The following KPNA6 variants were observed in gnomAD, a reference collection of about 807,000 sequenced individuals.
KPNA6 encodes importin subunit alpha-7.
In KPNA6, 9 loss-of-function variants were observed where a neutral mutation model predicts 72.0. The observed-to-expected ratio is 0.13, with a 90% confidence interval of 0.08 to 0.22. The LOEUF is 0.22. Ranked by LOEUF, KPNA6 falls within the 10% of genes least tolerant of loss-of-function variation. KPNA6 has a pLI of 1.00. For missense variants in KPNA6, 374 were observed against 655.7 expected, an observed-to-expected ratio of 0.57 and a Z score of 4.69; for synonymous variants, 219 against 242.1, an observed-to-expected ratio of 0.90 and a Z score of 0.89.
chr1:32,165,121 A>G (rs140370040), intron 10 of KPNA6, among the ~76,000 whole-genome samples: 5 of 151,588 alleles, frequency 3.3e-5, no homozygotes, highest in Non-Finnish European at 1.5e-5. Context: ...TGCCCAGGCT[A>G]CTCTTGAACT....
intron 1 of KPNA6, among the ~76,000 whole-genome samples, chr1:32,142,726 T>C (rs1227503392): frequency 6.6e-6 from 1 of 152,154 alleles, no homozygotes; most frequent in African/African-American, 2.4e-5. Flanking sequence ...TTATTTGTAT[T>C]GTGAATTTTA....
At chr1:32,143,892 G>A (rs1185174243) in intron 1 of KPNA6, among the ~76,000 whole-genome samples, 1 of 152,142 alleles carries the variant, frequency 6.6e-6, no homozygotes, top group African/African-American at 2.4e-5. Flanking sequence ...GTTCAATCAT[G>A]TTGTAGCATG....
At chr1:32,166,294 A>G in intron 11 of KPNA6, 64 bp downstream of exon 11, 1 of 1,538,838 alleles carries the variant, frequency 6.5e-7, no homozygotes, top group Non-Finnish European at 8.8e-7. Flanking sequence ...TTGTTGGAAT[A>G]TTTGCTTTCA....
At chr1:32,129,619 C>T (rs1641601928) in intron 1 of KPNA6, among the ~76,000 whole-genome samples, 2 of 152,038 alleles carry the variant, frequency 1.3e-5, no homozygotes, top group Non-Finnish European at 2.9e-5. Flanking sequence ...GCAGTAGCGC[C>T]ATCATAGCTC....
intron 7 of KPNA6, among the ~76,000 whole-genome samples, chr1:32,161,389 C>T (rs147267342): frequency 6.6e-6 from 1 of 152,302 alleles, no homozygotes; most frequent in Non-Finnish European, 1.5e-5. Context: ...TCAAAGACCC[C>T]GTGAAGCGTC....
At chr1:32,146,842 G>A (rs1641937216) in intron 1 of KPNA6, among the ~76,000 whole-genome samples, 2 of 151,668 alleles carry the variant, frequency 1.3e-5, no homozygotes, top group South Asian at 2.1e-4. Flanking sequence ...TCAACCTGAA[G>A]GGCTCCCATT....
At chr1:32,167,499 G>T (rs1008454191) in intron 12 of KPNA6, among the ~76,000 whole-genome samples, 3 of 151,992 alleles carry the variant, frequency 2.0e-5, no homozygotes, top group African/African-American at 7.2e-5. Flanking sequence ...ATCTATTCCA[G>T]ATTCCAGTGA....
In KPNA6 at chr1:32,169,862, G is replaced by T; in HGVS notation, c.1245-20G>T. The T allele has an allele frequency of 6.2e-7, 1 of 1,611,232 alleles. No individual in the cohort carries two copies. The highest frequency in any genetic ancestry group is 8.5e-7 in the Non-Finnish European group (1 of 1,178,088). Reference sequence around the variant, plus strand: ...TGTGTCCTGTACTAGTTTAGCACTTGCCTGGTCTCTGGCCCCTAGGTACCT... The same window carrying T: ...TGTGTCCTGTACTAGTTTAGCACTTTCCTGGTCTCTGGCCCCTAGGTACCT... On this transcript the variant is annotated intron_variant, in intron 12 of 13. Coordinates refer to ENST00000373625, the MANE Select transcript of KPNA6 (RefSeq NM_012316.5).
chr1:32,133,514 T>C (rs1442358118), intron 1 of KPNA6, among the ~76,000 whole-genome samples: 4 of 51,600 alleles, frequency 7.8e-5, no homozygotes, highest in Middle Eastern at 0.017. Context: ...ACCTAGTCTC[T>C]ACAAAAAAAA....
chr1:32,168,347 G>T (rs1037183063), intron 12 of KPNA6, among the ~76,000 whole-genome samples: 2 of 152,126 alleles, frequency 1.3e-5, no homozygotes, highest in African/African-American at 4.8e-5. Flanking sequence ...GTGCCACCAC[G>T]CCCGGCTAAT....
In KPNA6 at chr1:32,162,459, C is replaced by G. The variant is rs1642256410; in HGVS notation, c.846C>G (p.Gly282=). 6.2e-7 allele frequency: 1 copy of G among 1,613,980 alleles called. No homozygotes were observed. ...GGGCCCTTTCTTATCTGTCTGATGG[C>G]CCCAATGAGAAGATCCAGGCAGTCA... is the stretch of plus-strand genomic sequence containing the variant. ...ACWALSYLSD[G]PNEKIQAVID... Residue 282 remains glycine (G), a synonymous_variant, in exon 9 of 14, where the codon GGC becomes GGG. Coordinates refer to ENST00000373625, the MANE Select transcript of KPNA6 (RefSeq NM_012316.5).
At chr1:32,114,825 C>T (rs1641300286) in intron 1 of KPNA6, among the ~76,000 whole-genome samples, 1 of 152,192 alleles carries the variant, frequency 6.6e-6, no homozygotes, top group South Asian at 2.1e-4. Flanking sequence ...GTAGCTTCTG[C>T]ATCAGCACAT....
At chr1:32,148,935 C>A (rs1441369254) in intron 1 of KPNA6, among the ~76,000 whole-genome samples, 1 of 152,032 alleles carries the variant, frequency 6.6e-6, no homozygotes, top group East Asian at 1.9e-4. Flanking sequence ...TCAAGCTGTC[C>A]TCCTGCCTCA....
At chr1:32,126,000 AACCTGT>A (rs1345965048) in intron 1 of KPNA6, among the ~76,000 whole-genome samples, 2 of 149,758 alleles carry the variant, frequency 1.3e-5, no homozygotes, top group Admixed American at 6.6e-5. Flanking sequence ...AAAAAAAAAA[AACCTGT>A]CCTATTTTCA....
Position 32,170,786 on chromosome 1 carries a change from C to T in KPNA6, c.1503C>T (p.Tyr501=). ...YQKAFDLIEH[Y]FGVEDDDSSL... ...AGGCCTTCGACCTCATTGAGCACTA[C>T]TTTGGTGTAGAAGACGATGATAGCA... The change falls in exon 14 of 14, where the codon TAC becomes TAT. Residue 501 remains tyrosine (Y), a synonymous_variant. Coordinates refer to ENST00000373625, the MANE Select transcript of KPNA6 (RefSeq NM_012316.5). 1 of 1,614,210 alleles carries T rather than the reference C, an allele frequency of 6.2e-7. No individual in the cohort carries two copies. The highest frequency in any genetic ancestry group is 8.5e-7 in the Non-Finnish European group (1 of 1,180,022).
At chr1:32,140,891 T>A (rs981115745) in intron 1 of KPNA6, among the ~76,000 whole-genome samples, 9 of 152,252 alleles carry the variant, frequency 5.9e-5, no homozygotes, top group Non-Finnish European at 1.3e-4. Flanking sequence ...GATGTTTTCT[T>A]ATGGCATCTT....
chr1:32,153,924 A>G (rs1043564030), intron 1 of KPNA6, among the ~76,000 whole-genome samples: 2 of 151,868 alleles, frequency 1.3e-5, no homozygotes, highest in African/African-American at 4.8e-5. Flanking sequence ...AGGCAGGTGG[A>G]TCACCTGAGG....
At chr1:32,119,025 TATATA>T (rs1279572035) in intron 1 of KPNA6, among the ~76,000 whole-genome samples, 927 of 85,468 alleles carry the variant, frequency 0.011, 24 homozygotes, top group African/African-American at 0.046. Flanking sequence ...TATATATATA[TATATA>T]TATTTTTTTT....
In KPNA6 at chr1:32,128,442, T is replaced by C. The variant is rs868042561; in HGVS notation, c.4+20308T>C. Among the ~76,000 whole-genome samples, 129 of 130,658 alleles carry C rather than the reference T, an allele frequency of 9.9e-4. 2 individuals are homozygous for C. The highest frequency in any genetic ancestry group is 1.6e-3 in the Admixed American group (21 of 12,882). 85.7% of individuals were successfully genotyped at this position (130,658 alleles called of 152,430 possible). A position where few individuals can be genotyped will look rare whatever the true frequency, so the allele number is the denominator to read the frequency against. ...ATATATATATACACACACACACACA[T>C]ATATATATACACATTTTTTTTTTCC... On this transcript the variant is annotated intron_variant, in intron 1 of 13. Transcript: ENST00000373625.
Sources: allele counts gnomAD v4.1 joint callset (sites outside exome capture counted in the v4.1 genomes callset), GRCh38; gene constraint gnomAD v4.1.1; transcripts MANE v1.5; gene names NCBI Gene and HGNC (gene_info 2026-07-23, HGNC 2026-07-21).